KCNB2: variants seen among roughly 807,000 people sequenced by gnomAD.
KCNB2 encodes potassium voltage-gated channel subfamily B member 2.
Under a neutral mutation model 61.5 loss-of-function variants are expected in KCNB2, and 15 were observed. The ratio of observed to expected loss-of-function variants is 0.24; its 90% confidence interval spans 0.16 to 0.38. The LOEUF (loss-of-function observed/expected upper bound fraction) is 0.38. Ranked by LOEUF, KCNB2 falls within the 10% of genes least tolerant of loss-of-function variation. The pLI is 1.00. For synonymous variants in KCNB2, 457 were observed against 446.0 expected, an observed-to-expected ratio of 1.02 and a Z score of -0.31; for missense variants, 828 against 1,125.2, an observed-to-expected ratio of 0.74 and a Z score of 3.78.
chr8:72,594,370 A>G lies in KCNB2; in HGVS notation c.579+26057A>G, dbSNP rs141062137. The stretch of plus-strand genomic sequence containing the variant: ...CCTTCTCTGGTCCAGTTATGCTTAT[A>G]TCACTAAGATATAAGTCAAATATAT... On this transcript the variant is annotated intron_variant, in intron 2 of 2. Transcript: ENST00000523207. Among the ~76,000 whole-genome samples the G allele has an allele frequency of 1.7e-3, 256 of 152,298 alleles. 2 individuals are homozygous for G. Among genetic ancestry groups the G allele is most frequent in the African/African-American group, 5.9e-3 (247 of 41,554 alleles).
At chr8:72,574,371 T>C (rs570063640) in intron 2 of KCNB2, among the ~76,000 whole-genome samples, 107 of 152,328 alleles carry the variant, frequency 7.0e-4, no homozygotes, top group African/African-American at 2.5e-3. Flanking sequence ...TAGGGTGCCA[T>C]AGGTTATGGA....
chr8:72,584,504 C>G (rs1422785439), intron 2 of KCNB2, among the ~76,000 whole-genome samples: 1 of 151,996 alleles, frequency 6.6e-6, no homozygotes, highest in African/African-American at 2.4e-5. Context: ...AAACTCTTAC[C>G]TTTTACTACT....
chr8:72,541,808 G>A (rs1219390343), intron 1 of KCNB2, among the ~76,000 whole-genome samples: 2 of 152,096 alleles, frequency 1.3e-5, no homozygotes, highest in African/African-American at 4.8e-5. Context: ...GATCTCATTG[G>A]TCAGTTTATT....
chr8:72,868,232 A>G (rs1203117603), intron 2 of KCNB2, among the ~76,000 whole-genome samples: 2 of 150,680 alleles, frequency 1.3e-5, no homozygotes, highest in African/African-American at 4.9e-5. Context: ...CACTGCACCC[A>G]GCCTATTCTT....
intron 2 of KCNB2, among the ~76,000 whole-genome samples, chr8:72,776,335 G>T (rs970223731): frequency 1.3e-5 from 2 of 152,104 alleles, no homozygotes; most frequent in Non-Finnish European, 2.9e-5. Context: ...CACCAACGTG[G>T]CACATGTATA....
At chr8:72,697,422 T>G (rs1195393079) in intron 2 of KCNB2, among the ~76,000 whole-genome samples, 1 of 152,192 alleles carries the variant, frequency 6.6e-6, no homozygotes, top group Non-Finnish European at 1.5e-5. Flanking sequence ...CACATGCTAT[T>G]CAACAAAGAT....
chr8:72,849,371 T>C (rs1810053463), intron 2 of KCNB2, among the ~76,000 whole-genome samples: 1 of 152,078 alleles, frequency 6.6e-6, no homozygotes. Flanking sequence ...TTCTAGCTAT[T>C]TGAAACTATA....
chr8:72,623,448 T>C (rs1805740957), intron 2 of KCNB2, among the ~76,000 whole-genome samples: 1 of 152,214 alleles, frequency 6.6e-6, no homozygotes, highest in South Asian at 2.1e-4. Flanking sequence ...GTGTCACTTA[T>C]TGAAAAGCAA....
chr8:72,743,661 A>AT (rs1390060943), intron 2 of KCNB2, among the ~76,000 whole-genome samples: 1 of 152,046 alleles, frequency 6.6e-6, no homozygotes, highest in Non-Finnish European at 1.5e-5. Context: ...TGCTTTCTGT[A>AT]TTTTTTCTTC....
At chr8:72,713,367 G>T (rs1003402870) in intron 2 of KCNB2, among the ~76,000 whole-genome samples, 2 of 152,232 alleles carry the variant, frequency 1.3e-5, no homozygotes, top group Non-Finnish European at 2.9e-5. Flanking sequence ...GCCTCTTCAA[G>T]TGGGTCCCTG....
chr8:72,773,695 G>A (rs1808601192), intron 2 of KCNB2, among the ~76,000 whole-genome samples: 1 of 152,228 alleles, frequency 6.6e-6, no homozygotes, highest in African/African-American at 2.4e-5. Context: ...GTGATGTTAA[G>A]TAAAATCTTT....
chr8:72,705,455 A>G (rs539077012), intron 2 of KCNB2, among the ~76,000 whole-genome samples: 1 of 152,404 alleles, frequency 6.6e-6, no homozygotes, highest in Non-Finnish European at 1.5e-5. Flanking sequence ...GACAGATGAC[A>G]TTAGAAGGCA....
At chr8:72,556,700 G>C (rs1006289185) in intron 1 of KCNB2, among the ~76,000 whole-genome samples, 10 of 152,096 alleles carry the variant, frequency 6.6e-5, no homozygotes, top group Non-Finnish European at 1.3e-4. Flanking sequence ...CTAGAACACA[G>C]TGTTTTGAGT....
intron 2 of KCNB2, among the ~76,000 whole-genome samples, chr8:72,810,331 G>A (rs1809286563): frequency 6.6e-6 from 1 of 152,164 alleles, no homozygotes; most frequent in African/African-American, 2.4e-5. Context: ...ATAATAAGAG[G>A]CAGAAACCTG....
chr8:72,658,673 A>G (rs1231570215), intron 2 of KCNB2, among the ~76,000 whole-genome samples: 1 of 152,200 alleles, frequency 6.6e-6, no homozygotes, highest in African/African-American at 2.4e-5. Flanking sequence ...GCCTCAAAGA[A>G]CAGGCTGACA....
chr8:72,694,841 A>C (rs1212813108), intron 2 of KCNB2, among the ~76,000 whole-genome samples: 1 of 151,736 alleles, frequency 6.6e-6, no homozygotes, highest in Non-Finnish European at 1.5e-5. Flanking sequence ...AAATTAATAA[A>C]TTATTAATAA....
At chr8:72,844,976 C>T (rs777594179) in intron 2 of KCNB2, among the ~76,000 whole-genome samples, 2 of 152,144 alleles carry the variant, frequency 1.3e-5, no homozygotes, top group Non-Finnish European at 2.9e-5. Flanking sequence ...AGTTTTGTTC[C>T]GTTGCTGGTG....
intron 2 of KCNB2, among the ~76,000 whole-genome samples, chr8:72,813,067 G>A (rs1169869385): frequency 6.6e-6 from 1 of 152,158 alleles, no homozygotes; most frequent in African/African-American, 2.4e-5. Context: ...ATGAGTGAGG[G>A]ATGGTCCCTA....
chr8:72,561,148 A>T (rs1806504941), intron 1 of KCNB2, among the ~76,000 whole-genome samples: 1 of 151,780 alleles, frequency 6.6e-6, no homozygotes, highest in African/African-American at 2.4e-5. Flanking sequence ...TATATCAAGG[A>T]TAAAAGTTCT....
Sources: gnomAD v4.1 joint callset for allele counts (sites outside exome capture counted in the v4.1 genomes callset) on GRCh38, gnomAD v4.1.1 for gene constraint, MANE v1.5 for transcripts, NCBI Gene and HGNC (gene_info 2026-07-23, HGNC 2026-07-21) for gene names.